ADCY9: variants seen among roughly 807,000 people sequenced by gnomAD.
ADCY9 encodes adenylate cyclase 9.
ADCY9 carries 50 observed loss-of-function variants against 101.5 expected under a neutral mutation model. That is an observed-to-expected ratio of 0.49 (90% CI 0.39 to 0.62). ADCY9 has a LOEUF of 0.62. Ranked by LOEUF, ADCY9 falls within the 20% of genes least tolerant of loss-of-function variation. ADCY9 has a pLI of 0.00. For synonymous variants in ADCY9, 905 were observed against 769.3 expected (o/e 1.18, Z -2.92); for missense variants, 1,662 against 1,800.4 (o/e 0.92, Z 1.39).
downstream of ADCY9, among the ~76,000 whole-genome samples, chr16:3,960,607 T>C (rs965388438): frequency 1.3e-5 from 2 of 152,074 alleles, no homozygotes; most frequent in African/African-American, 4.8e-5. Flanking sequence ...AACCATAACC[T>C]TCATCAAACT....
intron 2 of ADCY9, among the ~76,000 whole-genome samples, chr16:4,057,518 T>G (rs951851133): frequency 2.6e-5 from 4 of 152,246 alleles, no homozygotes; most frequent in Admixed American, 1.3e-4. Context: ...TGTCTCTGTT[T>G]CTTTCCCAAC....
At chr16:4,105,881 T>A (rs2057073986) in intron 2 of ADCY9, among the ~76,000 whole-genome samples, 1 of 151,980 alleles carries the variant, frequency 6.6e-6, no homozygotes, top group Non-Finnish European at 1.5e-5. Flanking sequence ...GAAACAACAA[T>A]TTCTACTGGA....
rs118178891 is a variant in ADCY9, at chr16:4,035,001, C to T, written c.1694-27443G>A. Among the ~76,000 whole-genome samples, 172 of 152,292 alleles carry T rather than the reference C, an allele frequency of 1.1e-3. 2 individuals are homozygous for T. The East Asian group carries it at 0.026, about 23-fold the overall frequency. Reference sequence around the variant, plus strand: ...GCACAGCAGCTGTAACTGCAGTCACCGCCTAGTTTAAGTTTATGACAACCT... The same window carrying T: ...GCACAGCAGCTGTAACTGCAGTCACTGCCTAGTTTAAGTTTATGACAACCT... On this transcript the variant is annotated intron_variant, in intron 2 of 10. Transcript: ENST00000294016.
Position 4,097,557 on chromosome 16 carries a change from T to TATACA in ADCY9, c.1693+16192_1693+16193insTGTAT, listed in dbSNP as rs1567147096. 3.8e-5 allele frequency among the ~76,000 whole-genome samples: 3 copies of TATACA among 79,680 alleles called. 1 individual carries two copies. The highest frequency in any genetic ancestry group is 2.3e-4 in the African/African-American group (3 of 12,938). The allele number at this position is 79,680 out of a possible 152,430, so 52.3% of individuals were successfully genotyped here. A position where few individuals can be genotyped will look rare whatever the true frequency, so the allele number is the denominator to read the frequency against. On this transcript the variant is annotated intron_variant, in intron 2 of 10. Coordinates refer to ENST00000294016, the MANE Select transcript of ADCY9 (RefSeq NM_001116.4). Reference sequence around the variant, plus strand: ...TATATATATATATATATATATATTTTTTTTTTTTTTTTTTAAGACAGAGTC... The same window carrying TATACA: ...TATATATATATATATATATATATTTTATACATTTTTTTTTTTTTTAAGACAGAGTC...
intron 2 of ADCY9, among the ~76,000 whole-genome samples, chr16:4,111,902 T>C (rs544885824): frequency 3.3e-5 from 5 of 149,460 alleles, no homozygotes; most frequent in African/African-American, 9.8e-5. Context: ...AACTTAAAAA[T>C]AAAACTACTC....
chr16:4,062,269 C>G (rs2056777775), intron 2 of ADCY9, among the ~76,000 whole-genome samples: 1 of 152,068 alleles, frequency 6.6e-6, no homozygotes, highest in Non-Finnish European at 1.5e-5. Flanking sequence ...CCTCACCAAA[C>G]AGATGAAAAC....
At chr16:4,091,985 C>T (rs1397149051) in intron 2 of ADCY9, among the ~76,000 whole-genome samples, 2 of 152,160 alleles carry the variant, frequency 1.3e-5, no homozygotes, top group East Asian at 3.9e-4. Context: ...AAAAATAAAG[C>T]AGGCTGGGTA....
intron 7 of ADCY9, among the ~76,000 whole-genome samples, chr16:3,980,239 G>T (rs879580538): frequency 6.6e-6 from 1 of 152,080 alleles, no homozygotes; most frequent in Non-Finnish European, 1.5e-5. Context: ...TTTTGCAGGC[G>T]TGTGTCTAGC....
intron 2 of ADCY9, among the ~76,000 whole-genome samples, chr16:4,112,541 G>C: frequency 6.6e-6 from 1 of 152,088 alleles, no homozygotes; most frequent in African/African-American, 2.4e-5. Context: ...ACCACTGGAC[G>C]TCTCTGACTG....
intron 2 of ADCY9, among the ~76,000 whole-genome samples, chr16:4,039,909 C>A (rs1210600619): frequency 6.6e-6 from 1 of 152,020 alleles, no homozygotes; most frequent in African/African-American, 2.4e-5. Flanking sequence ...CATGATGGTG[C>A]ACACCTGTAG....
At chr16:3,977,126 C>G (rs1352860162) in intron 9 of ADCY9, among the ~76,000 whole-genome samples, 3 of 152,226 alleles carry the variant, frequency 2.0e-5, no homozygotes, top group African/African-American at 7.2e-5. Flanking sequence ...TCCGCTCTTT[C>G]ATGGCCTTGA....
chr16:4,013,439 T>G (rs1334760677), intron 2 of ADCY9, among the ~76,000 whole-genome samples: 1 of 150,348 alleles, frequency 6.7e-6, no homozygotes, highest in Non-Finnish European at 1.5e-5. Context: ...AAAAAAAAAT[T>G]AAAAGAAAAA....
intron 9 of ADCY9, 133 bp from the exon 10 acceptor site, chr16:3,974,843 C>A: frequency 3.0e-6 from 2 of 660,900 alleles, no homozygotes; most frequent in East Asian, 2.8e-5. Context: ...GCCACCTGCT[C>A]CCACCTCTTT....
chr16:3,991,310 A>C (rs1184964903), intron 5 of ADCY9, among the ~76,000 whole-genome samples: 1 of 152,212 alleles, frequency 6.6e-6, no homozygotes, highest in South Asian at 2.1e-4. Context: ...AGTATCACTA[A>C]TGAGGAACAG....
chr16:4,097,571 T>TTTTTTA (rs1555446039), intron 2 of ADCY9, among the ~76,000 whole-genome samples: 3 of 132,486 alleles, frequency 2.3e-5, no homozygotes, highest in Admixed American at 7.7e-5. Context: ...TTTTTTTTTT[T>TTTTTTA]AAGACAGAGT....
At chr16:3,995,570 C>T (rs1246127856) in intron 3 of ADCY9, among the ~76,000 whole-genome samples, 2 of 151,794 alleles carry the variant, frequency 1.3e-5, no homozygotes, top group African/African-American at 4.8e-5. Context: ...CTAACAGCTT[C>T]CAATGAAGAA....
Position 4,115,954 on chromosome 16 carries a change from G to A in ADCY9, c.-308C>T, listed in dbSNP as rs2057149120. 3.3e-6 allele frequency: 1 copy of A among 299,052 alleles called. No homozygotes were observed. The highest frequency in any genetic ancestry group is 5.5e-6 in the Non-Finnish European group (1 of 180,216). 18.5% of individuals were successfully genotyped at this position (299,052 alleles called of 1,614,324 possible). A position where few individuals can be genotyped will look rare whatever the true frequency, so the allele number is the denominator to read the frequency against. ...GGAGCCGCGCTCCGATGCGTCAAAGGCGGCGCGCGGCCGGCCCCGGGCCCG... is the reference window on the plus strand; with the variant it reads ...GGAGCCGCGCTCCGATGCGTCAAAGACGGCGCGCGGCCGGCCCCGGGCCCG... On this transcript the variant is annotated 5_prime_UTR_variant, in exon 1 of 11. Coordinates refer to ENST00000294016, the MANE Select transcript of ADCY9 (RefSeq NM_001116.4). This position sits in a 1 kb window ranked among gnomAD's most constrained non-coding sequence, Gnocchi z 6.2.
intron 2 of ADCY9, among the ~76,000 whole-genome samples, chr16:4,110,302 C>T (rs1455981266): frequency 6.6e-6 from 1 of 151,830 alleles, no homozygotes; most frequent in Non-Finnish European, 1.5e-5. Context: ...TCCATGACTG[C>T]TCCTGCAGAG....
intron 3 of ADCY9, among the ~76,000 whole-genome samples, chr16:3,998,985 C>T (rs1467434780): frequency 6.6e-6 from 1 of 151,862 alleles, no homozygotes; most frequent in South Asian, 2.1e-4. Flanking sequence ...GATTCATTAG[C>T]TTAATTTTAA....
Sources: gnomAD v4.1 joint callset for allele counts (sites outside exome capture counted in the v4.1 genomes callset) on GRCh38, gnomAD v4.1.1 for gene constraint, Gnocchi (gnomAD v3.1) non-coding constraint, MANE v1.5 for transcripts, NCBI Gene and HGNC (gene_info 2026-07-23, HGNC 2026-07-21) for gene names.